NFRKB: variants seen among roughly 807,000 people sequenced by gnomAD.
The protein encoded by NFRKB is nuclear factor related to kappaB binding protein.
In NFRKB, 62 loss-of-function variants were observed where a neutral mutation model predicts 135.7. The ratio of observed to expected loss-of-function variants is 0.46; its 90% CI spans 0.37 to 0.56. NFRKB has a LOEUF of 0.56. Among genes scored for constraint, NFRKB ranks in the 20% least tolerant of loss-of-function variants. NFRKB has a pLI of 0.00. For missense variants in NFRKB, 1,545 were observed against 1,662.0 expected (o/e 0.93, Z 1.22); for synonymous variants, 678 against 635.6 (o/e 1.07, Z -1.00).
In NFRKB at chr11:129,873,041, C is replaced by A. The variant is rs757611075; in HGVS notation, c.2606G>T (p.Arg869Leu). ...GAGCCCTGTCTGCCCGGGTCCAGGC[C>A]GCTGCACAGTGGCTGCCGTAGTCTG... ...KAQTTAATVQ[R>L]PGPGQTGLTV... Residue 869 changes from arginine to leucine, a missense_variant, in exon 23 of 27, where the codon CGG becomes CTG. Around this residue, in one of 3 missense-constraint regions of NFRKB, gnomAD observed 753 missense variants for 804.3 expected, o/e 0.94. Transcript: ENST00000682444. The A allele has an allele frequency of 6.2e-7, 1 of 1,613,814 alleles. No individual in the cohort carries two copies. Among genetic ancestry groups the A allele is most frequent in the African/African-American group, 1.3e-5 (1 of 74,914 alleles).
intron 4 of NFRKB, among the ~76,000 whole-genome samples, chr11:129,887,757 G>T (rs116632212): frequency 6.6e-6 from 1 of 152,216 alleles, no homozygotes; most frequent in Admixed American, 6.5e-5. Context: ...GAACATGAAG[G>T]CCGGGTGCGG....
intron 25 of NFRKB, 52 bp from the exon 26 acceptor site, chr11:129,865,153 G>C: frequency 1.3e-6 from 2 of 1,580,076 alleles, no homozygotes; most frequent in Non-Finnish European, 1.7e-6. Flanking sequence ...GGTATTCTCT[G>C]GCCCAGATTT....
At position 129,864,993 on chromosome 11, in the gene NFRKB, C is replaced by G. The variant is rs145429810; in HGVS notation, c.3747G>C (p.Gln1249His). Reference protein sequence around the residue: ...VSFLTAQQLQQLQQQGQATQV... With the variant: ...VSFLTAQQLQHLQQQGQATQV... ...GTGTGGCCTGACCTTGCTGCTGAAG[C>G]TGCTGCAACTGCTGAGCAGTGAGGA... The change falls in exon 26 of 27, where the codon CAG becomes CAC. Residue 1249 changes from glutamine (Q) to histidine (H), a missense_variant. By Grantham distance (24) the Gln-to-His change is conservative. Around this residue, in one of 3 missense-constraint regions of NFRKB, gnomAD observed 753 missense variants for 804.3 expected, o/e 0.94. Coordinates refer to ENST00000682444, the MANE Select transcript of NFRKB (RefSeq NM_001143835.2). 3.7e-6 allele frequency: 6 copies of G among 1,613,290 alleles called. No homozygotes were observed. The highest frequency in any genetic ancestry group is 5.1e-6 in the Non-Finnish European group (6 of 1,179,880).
Position 129,864,035 on chromosome 11 carries a change from C to T in NFRKB, c.*690G>A, listed in dbSNP as rs1948077918. The stretch of plus-strand genomic sequence containing the variant: ...CGGCCACAATCAAGATCCCAACACC[C>T]CTATCTTTAAGAGGCAGTGCCAAGC... On this transcript the variant is annotated 3_prime_UTR_variant, in exon 27 of 27. Transcript: ENST00000682444. The T allele has an allele frequency of 6.6e-6, 1 of 152,294 alleles. No homozygotes were observed. Among genetic ancestry groups the T allele is most frequent in the South Asian group, 2.1e-4 (1 of 4,826 alleles). The allele number at this position is 152,294 out of a possible 1,614,324, so 9.4% of individuals were successfully genotyped here. A position where few individuals can be genotyped will look rare whatever the true frequency, so the allele number is the denominator to read the frequency against.
chr11:129,875,293 T>A (rs1446691522), intron 18 of NFRKB, 64 bp downstream of exon 18: 57 of 1,308,188 alleles, frequency 4.4e-5, no homozygotes, highest in Non-Finnish European at 6.0e-5. Flanking sequence ...TATTTTGTAT[T>A]TCCTGATAAG....
At chr11:129,889,928 A>C (rs1297571265) in intron 3 of NFRKB, among the ~76,000 whole-genome samples, 1 of 147,276 alleles carries the variant, frequency 6.8e-6, no homozygotes, top group Non-Finnish European at 1.5e-5. Flanking sequence ...TGAAGGCTAC[A>C]TGCACGTTTT....
At chr11:129,881,687 A>G in intron 12 of NFRKB, 40 bp downstream of exon 12, 1 of 1,608,354 alleles carries the variant, frequency 6.2e-7, no homozygotes, top group Non-Finnish European at 8.5e-7. Flanking sequence ...ATTAGACAAA[A>G]GGGGGAAAAA....
rs552717375 is a variant in NFRKB at position 129,881,806 on chromosome 11, G to T, written c.1239C>A (p.Leu413=). ...LDWQSSPASS[L]NSWFSAAPNW... ...TGGGGGCCGCAGAGAACCAGCTGTTGAGGGAGCTGGCTGGCGATGACTGCC... is the reference window on the plus strand; with the variant it reads ...TGGGGGCCGCAGAGAACCAGCTGTTTAGGGAGCTGGCTGGCGATGACTGCC... The change falls in exon 12 of 27, where the codon CTC becomes CTA. Residue 413 remains leucine, a synonymous_variant. Coordinates refer to ENST00000682444, the MANE Select transcript of NFRKB (RefSeq NM_001143835.2). 1.2e-6 allele frequency: 2 copies of T among 1,613,450 alleles called. No homozygotes were observed. The highest frequency in any genetic ancestry group is 2.2e-5 in the South Asian group (2 of 90,900).
In NFRKB at chr11:129,870,052, G is replaced by C; in HGVS notation, c.2973C>G (p.Thr991=). 1 of 1,614,222 alleles carries C rather than the reference G, an allele frequency of 6.2e-7. No homozygotes were observed. Among genetic ancestry groups the C allele is most frequent in the Non-Finnish European group, 8.5e-7 (1 of 1,180,034 alleles). ...AKSQVTTVKL[T]QDLFGTGGNT... is the part of the protein sequence containing the mutation. Reference sequence around the variant, plus strand: ...TGCCTCCTGTCCCGAAGAGGTCCTGGGTCAATTTGACTGTGGTAACCTGGG... The same window carrying C: ...TGCCTCCTGTCCCGAAGAGGTCCTGCGTCAATTTGACTGTGGTAACCTGGG... The change falls in exon 24 of 27, where the codon ACC becomes ACG. Residue 991 remains threonine (T), a synonymous_variant. Coordinates refer to ENST00000682444, the MANE Select transcript of NFRKB (RefSeq NM_001143835.2).
rs906649178 is a variant in NFRKB at position 129,864,324 on chromosome 11, C to T, written c.*401G>A. 2 of 172,360 alleles carry T rather than the reference C, an allele frequency of 1.2e-5. No homozygotes were observed. Among genetic ancestry groups the T allele is most frequent in the South Asian group, 1.6e-4 (1 of 6,378 alleles). 10.7% of individuals were successfully genotyped at this position (172,360 alleles called of 1,614,324 possible). A position where few individuals can be genotyped will look rare whatever the true frequency, so the allele number is the denominator to read the frequency against. ...TCTGGACACAAAACTCCTATCCAGA[C>T]CACTAGTCATGGAGAAGACCAGAAG... On this transcript the variant is annotated 3_prime_UTR_variant, in exon 27 of 27. Coordinates refer to ENST00000682444, the MANE Select transcript of NFRKB (RefSeq NM_001143835.2).
At chr11:129,873,708 A>C (rs770471073) in intron 22 of NFRKB, 37 bp downstream of exon 22, 1 of 1,600,478 alleles carries the variant, frequency 6.2e-7, no homozygotes, top group Non-Finnish European at 8.6e-7. Context: ...CTGGGTCTGC[A>C]TCTCTGCTTC....
intron 2 of NFRKB, among the ~76,000 whole-genome samples, chr11:129,893,657 A>G (rs1949660062): frequency 6.6e-6 from 1 of 152,194 alleles, no homozygotes; most frequent in South Asian, 2.1e-4. Flanking sequence ...TAAAATGCAA[A>G]TGCTAACAGT....
chr11:129,892,309 TCCATTC>T (rs751607272), intron 3 of NFRKB, among the ~76,000 whole-genome samples: 66 of 152,142 alleles, frequency 4.3e-4, no homozygotes, highest in Admixed American at 2.0e-3. Flanking sequence ...TGTTTGGTTT[TCCATTC>T]CCAAGTTCCT....
At chr11:129,867,490 T>A (rs1218892160) in intron 24 of NFRKB, among the ~76,000 whole-genome samples, 1 of 152,060 alleles carries the variant, frequency 6.6e-6, no homozygotes, top group Non-Finnish European at 1.5e-5. Flanking sequence ...CTAATTTTTC[T>A]ATTTCTGGTA....
At chr11:129,869,466 G>A (rs746048563) in intron 24 of NFRKB, 28 bp downstream of exon 24, 45 of 1,564,884 alleles carry the variant, frequency 2.9e-5, no homozygotes, top group Non-Finnish European at 3.7e-5. Flanking sequence ...TAAAAAAGAA[G>A]GCCTAAGCTT....
At chr11:129,893,153 CTGAGAA>C in intron 2 of NFRKB, 1 of 1,089,362 alleles carries the variant, frequency 9.2e-7, no homozygotes, top group South Asian at 1.8e-5. Context: ...TAAAATGAGA[CTGAGAA>C]TAAATGATAA....
intron 17 of NFRKB, among the ~76,000 whole-genome samples, chr11:129,876,026 G>C (rs922253440): frequency 7.2e-5 from 11 of 152,218 alleles, no homozygotes; most frequent in Admixed American, 7.2e-4. Flanking sequence ...ACTCAGGTGG[G>C]AAGCAAAATT....
At chr11:129,866,402 T>G (rs892281403) in intron 24 of NFRKB, among the ~76,000 whole-genome samples, 2 of 151,808 alleles carry the variant, frequency 1.3e-5, no homozygotes, top group African/African-American at 4.8e-5. Flanking sequence ...GAAATAAATT[T>G]GAGGAAGGAC....
Position 129,872,903 on chromosome 11 carries a change from C to T in NFRKB, c.2744G>A (p.Gly915Glu). ...ACCTACCTGCTTGATGATGTTCTGT[C>T]CTGTGACATTTTGAATGACGGCAGC... is the stretch of plus-strand genomic sequence containing the variant. ...STAAVIQNVTGQNIIKQVAIT... is the reference protein window; with the variant it reads ...STAAVIQNVTEQNIIKQVAIT... The change falls in exon 23 of 27, where the codon GGA becomes GAA. Residue 915 changes from glycine to glutamate, a missense_variant. Transcript: ENST00000682444. 6.2e-7 allele frequency: 1 copy of T among 1,611,778 alleles called. No homozygotes were observed. Among genetic ancestry groups the T allele is most frequent in the Non-Finnish European group, 8.5e-7 (1 of 1,178,440 alleles).
Sources: allele counts gnomAD v4.1 joint callset (sites outside exome capture counted in the v4.1 genomes callset), GRCh38; gene constraint gnomAD v4.1.1; regional missense constraint gnomAD v4.1.1; transcripts MANE v1.5; gene names NCBI Gene and HGNC (gene_info 2026-07-23, HGNC 2026-07-21).